PRDM2: variants seen among roughly 807,000 people sequenced by gnomAD.
The protein encoded by PRDM2 is PR/SET domain 2, also known as PR domain zinc finger protein 2.
PRDM2 carries 30 observed loss-of-function variants against 130.0 expected under a neutral mutation model. The ratio of observed to expected loss-of-function variants is 0.23; its 90% CI spans 0.17 to 0.31. The LOEUF (loss-of-function observed/expected upper bound fraction) is 0.31. Among genes scored for constraint, PRDM2 ranks in the 10% least tolerant of loss-of-function variants. The probability of loss-of-function intolerance (pLI) is 1.00; values close to 1 mark genes in which losing one functional copy is unlikely to be tolerated. For missense variants in PRDM2, 2,011 were observed against 2,108.4 expected, an observed-to-expected ratio of 0.95 and a Z score of 0.90; for synonymous variants, 871 against 782.4, an observed-to-expected ratio of 1.11 and a Z score of -1.89.
intron 8 of PRDM2, among the ~76,000 whole-genome samples, chr1:13,808,360 G>A (rs1226902192): frequency 1.3e-5 from 2 of 151,808 alleles, no homozygotes; most frequent in East Asian, 1.9e-4. Context: ...GCGTGGTGGC[G>A]GGCTGAGGCA....
At chr1:13,801,220 G>A (rs1034917163) in intron 8 of PRDM2, among the ~76,000 whole-genome samples, 1 of 152,188 alleles carries the variant, frequency 6.6e-6, no homozygotes, top group Admixed American at 6.5e-5. Flanking sequence ...CTGTGCAGGA[G>A]GCCACTCTCC....
In PRDM2 at chr1:13,787,948, T is replaced by A. The variant is rs569060845; in HGVS notation, c.5036+5117T>A. Reference sequence around the variant, plus strand: ...TTTGTTGTTTTTCCCCTCCCAGCATTGAAATCATTGGGGCTTGTCAGATGT... The same window carrying A: ...TTTGTTGTTTTTCCCCTCCCAGCATAGAAATCATTGGGGCTTGTCAGATGT... On this transcript the variant is annotated intron_variant, in intron 8 of 9. Coordinates refer to ENST00000311066, the MANE Select transcript of PRDM2 (RefSeq NM_001393986.1). 1,143 of 985,410 alleles carry A rather than the reference T, an allele frequency of 1.2e-3. 3 individuals are homozygous for A. Among genetic ancestry groups the A allele is most frequent in the Non-Finnish European group, 1.3e-3 (1,086 of 829,924 alleles). 61.0% of individuals were successfully genotyped at this position (985,410 alleles called of 1,614,324 possible).
chr1:13,721,699 A>AG (rs2100436922), intron 2 of PRDM2, among the ~76,000 whole-genome samples: 1 of 152,340 alleles, frequency 6.6e-6, no homozygotes, highest in South Asian at 2.1e-4. Context: ...CATTTCCTTA[A>AG]GTCAGTGGAA....
At chr1:13,782,913 CTTT>C (rs35153743) in intron 8 of PRDM2, 82 bp downstream of exon 8, 1,409 of 1,439,972 alleles carry the variant, frequency 9.8e-4, no homozygotes, top group Admixed American at 2.3e-3. Context: ...TTTCTTGTTG[CTTT>C]TTTTTTTTTT....
At position 13,780,253 on chromosome 1, in the gene PRDM2, A is replaced by G. The variant is rs750875568; in HGVS notation, c.2458A>G (p.Asn820Asp). The change falls in exon 8 of 10, where the codon AAC becomes GAC. Residue 820 changes from asparagine (N) to aspartate (D), a missense_variant. This residue lies in a region of PRDM2 where 1,288 missense variants were observed against 1,237.7 expected (regional missense o/e 1.04). Coordinates refer to ENST00000311066, the MANE Select transcript of PRDM2 (RefSeq NM_001393986.1). The stretch of plus-strand genomic sequence containing the variant: ...TAGTTCTGCTTTTAGCAGTGTGTGC[A>G]ACCAGCAGCCACTGGATTTATCCAG... ...TASSAFSSVC[N>D]QQPLDLSSGV... 3.7e-6 allele frequency: 6 copies of G among 1,613,828 alleles called. No homozygotes were observed. Among genetic ancestry groups the G allele is most frequent in the Non-Finnish European group, 4.2e-6 (5 of 1,179,834 alleles).
chr1:13,732,996 T>G (rs1643156962), intron 4 of PRDM2, 114 bp downstream of exon 4: 1 of 753,456 alleles, frequency 1.3e-6, no homozygotes, highest in Non-Finnish European at 2.1e-6. Flanking sequence ...TTCTTTAAAG[T>G]CAAGAATATT....
intron 8 of PRDM2, among the ~76,000 whole-genome samples, chr1:13,788,387 A>G (rs901839001): frequency 6.6e-6 from 1 of 152,234 alleles, no homozygotes; most frequent in Non-Finnish European, 1.5e-5. Flanking sequence ...CTAAAAGTTT[A>G]CTGTAGTTTG....
intron 2 of PRDM2, 60 bp downstream of exon 2, chr1:13,715,674 AT>A: frequency 6.9e-7 from 1 of 1,440,964 alleles, no homozygotes. Context: ...CCAGCTCTTG[AT>A]TTTTACAAGA....
intron 4 of PRDM2, among the ~76,000 whole-genome samples, chr1:13,739,917 G>GT (rs1384131676): frequency 6.6e-6 from 1 of 152,064 alleles, no homozygotes; most frequent in Non-Finnish European, 1.5e-5. Context: ...GGTTAAAATT[G>GT]TTTTGCTTTC....
rs548047388 is a variant in PRDM2 at position 13,787,192 on chromosome 1, T to G, written c.5036+4361T>G. 8.2e-5 allele frequency: 81 copies of G among 983,872 alleles called. No homozygotes were observed. The Admixed American group carries it at 1.8e-3, about 22-fold the overall frequency. 60.9% of individuals were successfully genotyped at this position (983,872 alleles called of 1,614,324 possible). On this transcript the variant is annotated intron_variant, in intron 8 of 9. Coordinates refer to ENST00000311066, the MANE Select transcript of PRDM2 (RefSeq NM_001393986.1). ...TCCAAATGGACGTTATCCTCTCAGATTCTTATCTGGCACTAATTTATAACT... is the reference window on the plus strand; with the variant it reads ...TCCAAATGGACGTTATCCTCTCAGAGTCTTATCTGGCACTAATTTATAACT...
Position 13,741,992 on chromosome 1 carries a change from C to G in PRDM2, c.232-13C>G. ...ATTTTAACAAAAGTTTTTTACTTTT[C>G]TCCATTTTCAAGGTGTATTACCCAA... On this transcript the variant is annotated splice_polypyrimidine_tract_variant and intron_variant, in intron 4 of 9. Transcript: ENST00000311066. 6.6e-7 allele frequency: 1 copy of G among 1,515,230 alleles called. No individual in the cohort carries two copies. Among genetic ancestry groups the G allele is most frequent in the African/African-American group, 1.4e-5 (1 of 71,592 alleles). 93.9% of individuals were successfully genotyped at this position (1,515,230 alleles called of 1,614,324 possible). A position where few individuals can be genotyped will look rare whatever the true frequency, so the allele number is the denominator to read the frequency against.
intron 8 of PRDM2, among the ~76,000 whole-genome samples, chr1:13,795,524 G>C (rs2495080): frequency 6.6e-6 from 1 of 152,188 alleles, no homozygotes; most frequent in South Asian, 2.1e-4. Flanking sequence ...CCCCTGTGCC[G>C]CCTTCTAGTG....
chr1:13,712,138 C>T (rs1642389073), intron 1 of PRDM2, among the ~76,000 whole-genome samples: 1 of 151,108 alleles, frequency 6.6e-6, no homozygotes, highest in Non-Finnish European at 1.5e-5. Context: ...GTGGGAGGAT[C>T]ACTTGAGCCC....
chr1:13,777,981 T>C (rs1644515689), intron 7 of PRDM2, among the ~76,000 whole-genome samples: 1 of 152,152 alleles, frequency 6.6e-6, no homozygotes, highest in East Asian at 1.9e-4. Flanking sequence ...CCTGGTGATA[T>C]GTCTGGTAAA....
chr1:13,747,303 C>T (rs1038990540), intron 5 of PRDM2, among the ~76,000 whole-genome samples: 6 of 152,092 alleles, frequency 3.9e-5, no homozygotes, highest in Non-Finnish European at 5.9e-5. Flanking sequence ...TTAGTTGATA[C>T]CACTTCAATA....
At chr1:13,709,662 CT>C (rs1642310347) in intron 1 of PRDM2, among the ~76,000 whole-genome samples, 1 of 152,178 alleles carries the variant, frequency 6.6e-6, no homozygotes, top group South Asian at 2.1e-4. Flanking sequence ...CTTTCTAAGA[CT>C]CCTTTCCCAA....
chr1:13,712,382 G>A (rs1048611095), intron 1 of PRDM2, among the ~76,000 whole-genome samples: 12 of 152,196 alleles, frequency 7.9e-5, no homozygotes, highest in African/African-American at 2.9e-4. Flanking sequence ...GAAAAGAAGT[G>A]TTAAATAAAG....
In PRDM2 at chr1:13,779,135, G is replaced by T; in HGVS notation, c.1340G>T (p.Ser447Ile). ...GENVASKDDS[S>I]PPSLGPDCLI... ...AACGTTGCTTCAAAAGATGATTCGAGTCCTCCCAGTCTTGGGCCAGACTGT... is the reference window on the plus strand; with the variant it reads ...AACGTTGCTTCAAAAGATGATTCGATTCCTCCCAGTCTTGGGCCAGACTGT... The change falls in exon 8 of 10, where the codon AGT (serine) becomes ATT (isoleucine). Residue 447 changes from serine to isoleucine, a missense_variant. This residue lies in a region of PRDM2 where 1,288 missense variants were observed against 1,237.7 expected (regional missense o/e 1.04). Transcript: ENST00000311066. This position sits in a 1 kb window ranked among gnomAD's most constrained non-coding sequence, Gnocchi z 4.9. The T allele has an allele frequency of 6.2e-7, 1 of 1,614,198 alleles. No individual in the cohort carries two copies. Among genetic ancestry groups the T allele is most frequent in the Non-Finnish European group, 8.5e-7 (1 of 1,180,044 alleles).
chr1:13,742,758 T>G (rs957275377), intron 5 of PRDM2, among the ~76,000 whole-genome samples: 2 of 152,222 alleles, frequency 1.3e-5, no homozygotes, highest in African/African-American at 4.8e-5. Context: ...TTAGGAACTG[T>G]CTGGCAGATT....
Sources: gnomAD v4.1 joint callset for allele counts (sites outside exome capture counted in the v4.1 genomes callset) on GRCh38, gnomAD v4.1.1 for gene constraint, gnomAD v4.1.1 regional missense constraint, Gnocchi (gnomAD v3.1) non-coding constraint, MANE v1.5 for transcripts, NCBI Gene and HGNC (gene_info 2026-07-23, HGNC 2026-07-21) for gene names.